Variants in EYS observed in about 807,000 individuals in gnomAD.
EYS encodes protein eyes shut homolog.
Under a neutral mutation model 282.1 loss-of-function variants are expected in EYS, and 250 were observed. The ratio of observed to expected loss-of-function variants is 0.89; its 90% CI spans 0.80 to 0.98. The LOEUF (loss-of-function observed/expected upper bound fraction) is 0.98. Ranked by LOEUF, EYS falls within the 50% of genes least tolerant of loss-of-function variation. The probability of loss-of-function intolerance (pLI) is 0.00; values close to 1 mark genes in which losing one functional copy is unlikely to be tolerated. For missense variants in EYS, 4,016 were observed against 3,709.0 expected, an observed-to-expected ratio of 1.08 and a Z score of -2.15; for synonymous variants, 1,355 against 1,282.9, an observed-to-expected ratio of 1.06 and a Z score of -1.20.
chr6:63,881,323 TAGAACTGATTTGGAA>T (rs1773126225), intron 35 of EYS, among the ~76,000 whole-genome samples: 1 of 152,148 alleles, frequency 6.6e-6, no homozygotes, highest in African/African-American at 2.4e-5. Context: ...AGCACAGAAA[TAGAACTGATTTGGAA>T]AGGGATTACC....
chr6:64,033,862 A>G (rs907079951), intron 33 of EYS, among the ~76,000 whole-genome samples: 4 of 151,782 alleles, frequency 2.6e-5, no homozygotes, highest in Non-Finnish European at 5.9e-5. Flanking sequence ...ATATATATAT[A>G]AAATTGGGAG....
At chr6:65,077,372 A>T (rs898250462) in intron 12 of EYS, among the ~76,000 whole-genome samples, 1 of 152,108 alleles carries the variant, frequency 6.6e-6, no homozygotes, top group African/African-American at 2.4e-5. Flanking sequence ...AAAATATTTA[A>T]ATCAATGTTA....
At chr6:63,864,894 C>G (rs1484061548) in intron 35 of EYS, among the ~76,000 whole-genome samples, 1 of 152,208 alleles carries the variant, frequency 6.6e-6, no homozygotes, top group Non-Finnish European at 1.5e-5. Flanking sequence ...TGGCCCCAGG[C>G]TGTGAGTGTG....
intron 2 of EYS, among the ~76,000 whole-genome samples, chr6:65,540,091 T>A (rs1768107407): frequency 1.3e-5 from 2 of 152,204 alleles, no homozygotes; most frequent in South Asian, 4.1e-4. Context: ...TAAAGGGGAA[T>A]CTTATTTTAG....
At chr6:65,306,006 GTTTTC>G (rs369212395) in intron 11 of EYS, among the ~76,000 whole-genome samples, 3,187 of 152,234 alleles carry the variant, frequency 0.021, 40 homozygotes, top group Non-Finnish European at 0.036. Flanking sequence ...TCTGAATTGA[GTTTTC>G]TTTTCTTGAT....
At chr6:64,175,229 T>C (rs1582383535) in intron 31 of EYS, among the ~76,000 whole-genome samples, 1 of 152,164 alleles carries the variant, frequency 6.6e-6, no homozygotes, top group African/African-American at 2.4e-5. Context: ...CTATTTGATA[T>C]TATTAATTTA....
intron 22 of EYS, among the ~76,000 whole-genome samples, chr6:64,808,476 C>T (rs1764502323): frequency 6.6e-6 from 1 of 151,874 alleles, no homozygotes; most frequent in South Asian, 2.1e-4. Context: ...TGAAAGGAGT[C>T]CATATATAAA....
At chr6:63,954,235 A>T (rs1362001887) in intron 35 of EYS, among the ~76,000 whole-genome samples, 1 of 152,122 alleles carries the variant, frequency 6.6e-6, no homozygotes, top group Non-Finnish European at 1.5e-5. Context: ...CATTTGGTTT[A>T]TCAGTGGCAG....
chr6:65,033,428 C>G (rs1442322265), intron 13 of EYS, among the ~76,000 whole-genome samples: 1 of 152,152 alleles, frequency 6.6e-6, no homozygotes, highest in African/African-American at 2.4e-5. Flanking sequence ...ACTCCCATCA[C>G]AGGCCAGGAG....
intron 14 of EYS, among the ~76,000 whole-genome samples, chr6:64,957,326 G>A (rs1456533164): frequency 2.6e-5 from 4 of 152,126 alleles, no homozygotes; most frequent in Admixed American, 2.0e-4. Context: ...GGCACAGAAA[G>A]ACAAATCAAA....
At chr6:64,539,219 TA>T (rs768236988) in intron 26 of EYS, among the ~76,000 whole-genome samples, 1 of 152,164 alleles carries the variant, frequency 6.6e-6, no homozygotes, top group Non-Finnish European at 1.5e-5. Context: ...ACTTCACACT[TA>T]AAAATTAAGT....
chr6:65,607,697 A>C (rs1235929117), intron 2 of EYS, among the ~76,000 whole-genome samples: 1 of 151,970 alleles, frequency 6.6e-6, no homozygotes, highest in Non-Finnish European at 1.5e-5. Flanking sequence ...TGTGCTTTAA[A>C]GTCCATTATC....
At chr6:65,180,848 C>T (rs1244152496) in intron 12 of EYS, among the ~76,000 whole-genome samples, 1 of 152,004 alleles carries the variant, frequency 6.6e-6, no homozygotes, top group Non-Finnish European at 1.5e-5. Context: ...GGTACTGGTA[C>T]CAAAACAGAG....
intron 19 of EYS, among the ~76,000 whole-genome samples, chr6:64,828,723 G>A (rs1447863298): frequency 6.6e-6 from 1 of 151,992 alleles, no homozygotes; most frequent in Admixed American, 6.6e-5. Flanking sequence ...AATTGTGTAT[G>A]AGTATGCCAG....
intron 12 of EYS, among the ~76,000 whole-genome samples, chr6:65,252,323 G>T (rs1479016422): frequency 1.3e-5 from 2 of 151,832 alleles, no homozygotes; most frequent in African/African-American, 4.8e-5. Context: ...TATAGTAATA[G>T]ACCACCAACC....
At chr6:64,410,297 C>A (rs199627933) in intron 28 of EYS, among the ~76,000 whole-genome samples, 1 of 152,058 alleles carries the variant, frequency 6.6e-6, no homozygotes, top group East Asian at 1.9e-4. Flanking sequence ...TATTTTCTTA[C>A]CATGGAATGA....
intron 37 of EYS, among the ~76,000 whole-genome samples, chr6:63,796,656 G>T (rs188327302): frequency 6.6e-6 from 1 of 152,130 alleles, no homozygotes; most frequent in Admixed American, 6.6e-5. Flanking sequence ...AATGTACTTT[G>T]CAGAGTTCAG....
intron 35 of EYS, among the ~76,000 whole-genome samples, chr6:63,874,482 T>A (rs939686462): frequency 6.6e-6 from 1 of 152,212 alleles, no homozygotes; most frequent in Admixed American, 6.5e-5. Context: ...ATGTGGGCTC[T>A]TTTTTGGTTC....
intron 29 of EYS, among the ~76,000 whole-genome samples, chr6:64,327,734 A>G (rs140196910): frequency 2.0e-5 from 3 of 152,322 alleles, no homozygotes; most frequent in African/African-American, 7.2e-5. Context: ...GATTCACAGG[A>G]AAAGCAGAAA....
Sources: gnomAD v4.1 joint callset for allele counts (sites outside exome capture counted in the v4.1 genomes callset) on GRCh38, gnomAD v4.1.1 for gene constraint, MANE v1.5 for transcripts, NCBI Gene and HGNC (gene_info 2026-07-23, HGNC 2026-07-21) for gene names.